Variants in ZNF778 observed in about 807,000 individuals in gnomAD.
ZNF778 encodes the protein zinc finger protein 778.
In ZNF778, 37 loss-of-function variants were observed where a neutral mutation model predicts 23.9. The observed-to-expected ratio is 1.54, with a 90% CI of 1.19 to 2.03. ZNF778 has a LOEUF of 2.03. ZNF778 is among the 30% of genes most tolerant of loss of function. ZNF778 has a pLI of 0.00. For missense variants in ZNF778, 1,297 were observed against 934.4 expected (o/e 1.39, Z -5.06); for synonymous variants, 483 against 343.9 (o/e 1.40, Z -4.48).
chr16:89,221,253 G>C, intron 2 of ZNF778, 101 bp downstream of exon 2: 1 of 1,354,566 alleles, frequency 7.4e-7, no homozygotes, highest in Admixed American at 2.1e-5. Flanking sequence ...TCACGCTCCG[G>C]GTTCCTATTG....
chr16:89,222,139 C>T lies in ZNF778; in HGVS notation c.73C>T (p.Gln25Ter). 2 of 1,606,724 alleles carry T rather than the reference C, an allele frequency of 1.2e-6. No individual in the cohort carries two copies. Among genetic ancestry groups the T allele is most frequent in the Non-Finnish European group, 8.5e-7 (1 of 1,175,548 alleles). The stretch of plus-strand genomic sequence containing the variant: ...AGTCTGCCTTCATGAAGAACAGACA[C>T]AGGCAGCAGGGATGGTGGCTGGCTG... ...DSVCLHEEQT[Q>*]AAGMVAGWLI... Residue 25 changes from glutamine to a stop codon, truncating the protein, a stop_gained, in exon 3 of 7, where the codon CAG becomes TAG. Coordinates refer to ENST00000433976, the MANE Select transcript of ZNF778 (RefSeq NM_001201407.2). LOFTEE classifies it high-confidence loss of function.
In ZNF778 at chr16:89,229,851, C is replaced by G. The variant is rs1567510887; in HGVS notation, c.*1289C>G. The G allele has an allele frequency of 3.0e-6, 3 of 984,368 alleles. No homozygotes were observed. The highest frequency in any genetic ancestry group is 1.1e-4 in the East Asian group (1 of 8,784). The allele number at this position is 984,368 out of a possible 1,614,324, so 61.0% of individuals were successfully genotyped here. A position where few individuals can be genotyped will look rare whatever the true frequency, so the allele number is the denominator to read the frequency against. ...TGATCCTGTGTGAGCAGCGTAGGCT[C>G]TGGTTGGTTAGTCTTGAGGATCCAG... On this transcript the variant is annotated 3_prime_UTR_variant, in exon 7 of 7. Coordinates refer to ENST00000433976, the MANE Select transcript of ZNF778 (RefSeq NM_001201407.2).
chr16:89,220,870 G>A (rs1460610145), intron 1 of ZNF778, 127 bp from the exon 2 acceptor site: 13 of 480,132 alleles, frequency 2.7e-5, no homozygotes, highest in Middle Eastern at 1.2e-3. Context: ...AGTAGGTGAC[G>A]TGGATATTAC....
In ZNF778 at chr16:89,232,938, C is replaced by T. The variant is rs1445982953; in HGVS notation, c.*4376C>T. 3.9e-6 allele frequency: 5 copies of T among 1,269,048 alleles called. No individual in the cohort carries two copies. In the Admixed American group the frequency reaches 7.1e-5, roughly 18 times the overall value. 78.6% of individuals were successfully genotyped at this position (1,269,048 alleles called of 1,614,324 possible). Reference sequence around the variant, plus strand: ...CGCACTGCGTATGCGAATCCACTCACTGCCTATGCAACTCAGCTCGCTCTG... The same window carrying T: ...CGCACTGCGTATGCGAATCCACTCATTGCCTATGCAACTCAGCTCGCTCTG... On this transcript the variant is annotated 3_prime_UTR_variant, in exon 7 of 7. Transcript: ENST00000433976.
chr16:89,235,427 A>C lies in ZNF778; in HGVS notation c.*6865A>C, dbSNP rs990258371. 1 of 151,966 alleles carries C rather than the reference A, an allele frequency of 6.6e-6. No individual in the cohort carries two copies. The highest frequency in any genetic ancestry group is 6.6e-5 in the Admixed American group (1 of 15,262). 9.4% of individuals were successfully genotyped at this position (151,966 alleles called of 1,614,324 possible). ...TAGGAGCTGGCCTGTGAGGTTGACCACTCTGTAGGTGGACGAGCCTCGCCC... is the reference window on the plus strand; with the variant it reads ...TAGGAGCTGGCCTGTGAGGTTGACCCCTCTGTAGGTGGACGAGCCTCGCCC... On this transcript the variant is annotated 3_prime_UTR_variant, in exon 7 of 7. Coordinates refer to ENST00000433976, the MANE Select transcript of ZNF778 (RefSeq NM_001201407.2).
intron 3 of ZNF778, among the ~76,000 whole-genome samples, 197 bp downstream of exon 3, chr16:89,222,380 T>C (rs75028266): frequency 6.6e-6 from 1 of 152,196 alleles, no homozygotes. Context: ...CTTTTTTTTT[T>C]TGAGACGGAG....
intron 3 of ZNF778, 34 bp downstream of exon 3, chr16:89,222,217 A>G (rs2031025552): frequency 6.6e-7 from 1 of 1,514,218 alleles, no homozygotes; most frequent in Non-Finnish European, 9.1e-7. Context: ...TTAAAATAAC[A>G]TACTGGTATT....
chr16:89,228,636 T>G lies in ZNF778; in HGVS notation c.*74T>G. On this transcript the variant is annotated 3_prime_UTR_variant, in exon 7 of 7. Transcript: ENST00000433976. The stretch of plus-strand genomic sequence containing the variant: ...CATGAAAGACCTCTCGTTCTCCAGA[T>G]GTCCATGACTTGAGGAATGTGGCTA... The G allele has an allele frequency of 1.3e-6, 2 of 1,517,872 alleles. No individual in the cohort carries two copies. Among genetic ancestry groups the G allele is most frequent in the Non-Finnish European group, 1.8e-6 (2 of 1,139,412 alleles). The allele number at this position is 1,517,872 out of a possible 1,614,324, so 94.0% of individuals were successfully genotyped here.
In ZNF778 at chr16:89,232,925, G is replaced by A. The variant is rs2032018024; in HGVS notation, c.*4363G>A. 28 of 1,268,414 alleles carry A rather than the reference G, an allele frequency of 2.2e-5. No individual in the cohort carries two copies. The highest frequency in any genetic ancestry group is 2.7e-5 in the Non-Finnish European group (26 of 980,850). 78.6% of individuals were successfully genotyped at this position (1,268,414 alleles called of 1,614,324 possible). On this transcript the variant is annotated 3_prime_UTR_variant, in exon 7 of 7. Coordinates refer to ENST00000433976, the MANE Select transcript of ZNF778 (RefSeq NM_001201407.2). ...ATGCAACTCAACTCGCACTGCGTATGCGAATCCACTCACTGCCTATGCAAC... is the reference window on the plus strand; with the variant it reads ...ATGCAACTCAACTCGCACTGCGTATACGAATCCACTCACTGCCTATGCAAC...
Position 89,234,948 on chromosome 16 carries a change from A to G in ZNF778, c.*6386A>G, listed in dbSNP as rs1003762360. On this transcript the variant is annotated 3_prime_UTR_variant, in exon 7 of 7. Coordinates refer to ENST00000433976, the MANE Select transcript of ZNF778 (RefSeq NM_001201407.2). ...AGGAAAAATATTTCTTAATTTTGGCATACTCAAATTTATACAACCTTTCCT... is the reference window on the plus strand; with the variant it reads ...AGGAAAAATATTTCTTAATTTTGGCGTACTCAAATTTATACAACCTTTCCT... The G allele has an allele frequency of 6.6e-6, 1 of 152,256 alleles. No homozygotes were observed. The highest frequency in any genetic ancestry group is 1.9e-4 in the East Asian group (1 of 5,188). The allele number at this position is 152,256 out of a possible 1,614,324, so 9.4% of individuals were successfully genotyped here. A position where few individuals can be genotyped will look rare whatever the true frequency, so the allele number is the denominator to read the frequency against.
At chr16:89,222,042 T>G (rs2031005988) in intron 2 of ZNF778, 50 bp from the exon 3 acceptor site, 2 of 1,378,344 alleles carry the variant, frequency 1.5e-6, no homozygotes, top group Non-Finnish European at 1.0e-6. Flanking sequence ...GAGTGTGGAA[T>G]TAGGGTCAGC....
rs1055804024 is a variant in ZNF778, at chr16:89,235,997, A to T, written c.*7435A>T. On this transcript the variant is annotated 3_prime_UTR_variant, in exon 7 of 7. Coordinates refer to ENST00000433976, the MANE Select transcript of ZNF778 (RefSeq NM_001201407.2). The stretch of plus-strand genomic sequence containing the variant: ...CACAGTGAAACCTCGTCTCTAGTAA[A>T]AAAAAAAAAAAAAAAGAAAAATACA... The T allele has an allele frequency of 6.0e-4, 2 of 3,328 alleles. No individual in the cohort carries two copies. Among genetic ancestry groups the T allele is most frequent in the Non-Finnish European group, 5.6e-3 (1 of 180 alleles). 0.2% of individuals were successfully genotyped at this position (3,328 alleles called of 1,614,324 possible). A position where few individuals can be genotyped will look rare whatever the true frequency, so the allele number is the denominator to read the frequency against.
At position 89,222,153 on chromosome 16, in the gene ZNF778, G is replaced by A; in HGVS notation, c.87G>A (p.Met29Ile). The change falls in exon 3 of 7, where the codon ATG becomes ATA. Residue 29 changes from methionine (M) to isoleucine (I), a missense_variant. Met to Ile is a conservative substitution (Grantham distance 10). Coordinates refer to ENST00000433976, the MANE Select transcript of ZNF778 (RefSeq NM_001201407.2). The stretch of plus-strand genomic sequence containing the variant: ...AAGAACAGACACAGGCAGCAGGGAT[G>A]GTGGCTGGCTGGCTGATAAATTGTT... ...LHEEQTQAAG[M>I]VAGWLINCYQ... 6.2e-7 allele frequency: 1 copy of A among 1,605,504 alleles called. No individual in the cohort carries two copies. The highest frequency in any genetic ancestry group is 2.3e-5 in the East Asian group (1 of 44,430).
At chr16:89,220,967 G>C (rs2030875202) in intron 1 of ZNF778, 30 bp from the exon 2 acceptor site, 1 of 714,216 alleles carries the variant, frequency 1.4e-6, no homozygotes. Flanking sequence ...TGATAACTGG[G>C]AAGTAATGCT....
intron 6 of ZNF778, among the ~76,000 whole-genome samples, chr16:89,226,101 G>A (rs955263878): frequency 2.0e-5 from 3 of 151,766 alleles, no homozygotes; most frequent in African/African-American, 4.8e-5. Flanking sequence ...TAGTAGAGAC[G>A]GGGTTTCACC....
In ZNF778 at chr16:89,224,783, G is replaced by A. The variant is rs1281953486; in HGVS notation, c.309G>A (p.Gly103=). 1 of 1,500,924 alleles carries A rather than the reference G, an allele frequency of 6.7e-7. No homozygotes were observed. The highest frequency in any genetic ancestry group is 2.2e-5 in the Admixed American group (1 of 45,344). The allele number at this position is 1,500,924 out of a possible 1,614,324, so 93.0% of individuals were successfully genotyped here. Residue 103 remains glycine, a synonymous_variant, in exon 5 of 7, where the codon GGG becomes GGA. Coordinates refer to ENST00000433976, the MANE Select transcript of ZNF778 (RefSeq NM_001201407.2). ...WLEQEEELRA[G]RRAVLQEWRL... ...AGCAGGAAGAGGAGTTGAGGGCAGG[G>A]CGGAGAGCAGTTCTCCAAGGTAAGT...
intron 1 of ZNF778, among the ~76,000 whole-genome samples, chr16:89,220,290 G>A (rs575226646): frequency 6.6e-6 from 1 of 152,304 alleles, no homozygotes. Flanking sequence ...CACCTCATCG[G>A]TAGAATAAGA....
At chr16:89,221,717 G>A (rs2030969387) in intron 2 of ZNF778, among the ~76,000 whole-genome samples, 1 of 150,928 alleles carries the variant, frequency 6.6e-6, no homozygotes, top group South Asian at 2.1e-4. Flanking sequence ...CTGAGGCACT[G>A]TATGGCTGTG....
chr16:89,229,253 T>TA lies in ZNF778; in HGVS notation c.*691_*692insA, dbSNP rs1597366394. The TA allele has an allele frequency of 1.0e-6, 1 of 957,594 alleles. No homozygotes were observed. Among genetic ancestry groups the TA allele is most frequent in the East Asian group, 1.3e-4 (1 of 7,718 alleles). The allele number at this position is 957,594 out of a possible 1,614,324, so 59.3% of individuals were successfully genotyped here. A position where few individuals can be genotyped will look rare whatever the true frequency, so the allele number is the denominator to read the frequency against. On this transcript the variant is annotated 3_prime_UTR_variant, in exon 7 of 7. Coordinates refer to ENST00000433976, the MANE Select transcript of ZNF778 (RefSeq NM_001201407.2). ...GTCTTGAGGATCCAGATGTGATTCTTTGAGCAGCGTAGGCTCTGGTTGGTT... is the reference window on the plus strand; with the variant it reads ...GTCTTGAGGATCCAGATGTGATTCTTATGAGCAGCGTAGGCTCTGGTTGGTT...
Sources: gnomAD v4.1 joint callset for allele counts (sites outside exome capture counted in the v4.1 genomes callset) on GRCh38, gnomAD v4.1.1 for gene constraint, MANE v1.5 for transcripts, NCBI Gene and HGNC (gene_info 2026-07-23, HGNC 2026-07-21) for gene names.